DYNC1I1: variants seen among roughly 807,000 people sequenced by gnomAD.
DYNC1I1 encodes dynein cytoplasmic 1 intermediate chain 1, also known as cytoplasmic dynein 1 intermediate chain 1.
A neutral mutation model predicts 86.6 loss-of-function variants in DYNC1I1; 43 were observed. The observed-to-expected ratio is 0.50, with a 90% CI of 0.39 to 0.64. DYNC1I1 has a LOEUF of 0.64. Among genes scored for constraint, DYNC1I1 ranks in the 30% least tolerant of loss-of-function variants. The pLI, the probability that DYNC1I1 is intolerant of heterozygous loss-of-function variation, is 0.00. For missense variants in DYNC1I1, 604 were observed against 788.8 expected (o/e 0.77, Z 2.81); for synonymous variants, 262 against 283.7 (o/e 0.92, Z 0.77).
At chr7:95,974,085 T>C (rs144369447) in intron 6 of DYNC1I1, among the ~76,000 whole-genome samples, 111 of 152,342 alleles carry the variant, frequency 7.3e-4, no homozygotes, top group African/African-American at 2.5e-3. Context: ...TGTCACCTCA[T>C]TGTGGCCTTG....
chr7:96,034,422 G>A (rs909282719), intron 12 of DYNC1I1, among the ~76,000 whole-genome samples: 15 of 152,096 alleles, frequency 9.9e-5, no homozygotes, highest in African/African-American at 2.9e-4. Context: ...CTCTAAGTCC[G>A]TTTGTATTAG....
chr7:95,855,034 T>C (rs1476245328), intron 5 of DYNC1I1, among the ~76,000 whole-genome samples: 1 of 152,218 alleles, frequency 6.6e-6, no homozygotes, highest in Non-Finnish European at 1.5e-5. Context: ...TTAAAATATA[T>C]AAGGAGACAG....
chr7:95,995,804 G>A (rs111247521), intron 9 of DYNC1I1, 144 bp from the exon 10 acceptor site: 134 of 1,167,296 alleles, frequency 1.1e-4, no homozygotes, highest in Non-Finnish European at 1.5e-4. Context: ...GGAGGTTGCA[G>A]CAGTAAGCTG....
At chr7:95,977,449 A>G in intron 6 of DYNC1I1, 63 bp from the exon 7 acceptor site, 3 of 1,532,902 alleles carry the variant, frequency 2.0e-6, no homozygotes, top group Non-Finnish European at 2.7e-6. Context: ...ACCTCCCACT[A>G]TCAACCAAAG....
At chr7:96,100,775 A>G (rs762079875), downstream of DYNC1I1, among the ~76,000 whole-genome samples, 1 of 152,038 alleles carries the variant, frequency 6.6e-6, no homozygotes, top group Non-Finnish European at 1.5e-5. Context: ...TGTAGCCTAC[A>G]TTCACTAGAG....
intron 6 of DYNC1I1, among the ~76,000 whole-genome samples, chr7:95,933,501 T>C (rs1031700313): frequency 7.2e-5 from 11 of 152,218 alleles, no homozygotes; most frequent in Non-Finnish European, 1.5e-4. Flanking sequence ...TTTTGTTTCT[T>C]GTAAAGCAAG....
chr7:95,939,752 A>G (rs555197167), intron 6 of DYNC1I1, among the ~76,000 whole-genome samples: 6 of 152,038 alleles, frequency 3.9e-5, no homozygotes, highest in South Asian at 4.2e-4. Context: ...TCTTTATCCA[A>G]TTTGCCAGTC....
intron 16 of DYNC1I1, among the ~76,000 whole-genome samples, chr7:96,095,582 C>T (rs2116328832): frequency 6.6e-6 from 1 of 152,108 alleles, no homozygotes; most frequent in Middle Eastern, 3.4e-3. Context: ...TAGCTTGATT[C>T]TTACTTTATA....
intron 1 of DYNC1I1, among the ~76,000 whole-genome samples, chr7:95,801,253 A>C (rs1337811756): frequency 1.1e-4 from 17 of 152,088 alleles, no homozygotes; most frequent in Admixed American, 1.1e-3. Flanking sequence ...AAGTTCCCTC[A>C]ATGTTTTTAT....
chr7:95,780,916 C>G (rs912523315), intron 1 of DYNC1I1, among the ~76,000 whole-genome samples: 1 of 151,998 alleles, frequency 6.6e-6, no homozygotes. Context: ...GACCGTGCGT[C>G]TACTGTTTCA....
intron 6 of DYNC1I1, among the ~76,000 whole-genome samples, chr7:95,900,734 A>G (rs149900275): frequency 6.6e-6 from 1 of 152,182 alleles, no homozygotes; most frequent in African/African-American, 2.4e-5. Context: ...AATCTTTGCC[A>G]TCCATCCTCT....
At chr7:96,036,743 C>T (rs1007622937) in intron 13 of DYNC1I1, among the ~76,000 whole-genome samples, 1 of 152,150 alleles carries the variant, frequency 6.6e-6, no homozygotes, top group African/African-American at 2.4e-5. Flanking sequence ...CAGAGTGAGT[C>T]ACACAAACCA....
intron 10 of DYNC1I1, among the ~76,000 whole-genome samples, chr7:96,012,067 G>T (rs1794288691): frequency 6.6e-6 from 1 of 152,162 alleles, no homozygotes; most frequent in African/African-American, 2.4e-5. Flanking sequence ...TGGGAGGAGG[G>T]TTGGGGACAG....
intron 6 of DYNC1I1, among the ~76,000 whole-genome samples, chr7:95,903,363 G>A (rs1791089732): frequency 6.6e-6 from 1 of 152,144 alleles, no homozygotes; most frequent in South Asian, 2.1e-4. Flanking sequence ...TTAAGAGTGT[G>A]GCACCTTGTA....
At chr7:95,984,784 ATC>A in intron 7 of DYNC1I1, 29 bp from the exon 8 acceptor site, 1 of 1,550,108 alleles carries the variant, frequency 6.5e-7, no homozygotes, top group South Asian at 1.2e-5. Flanking sequence ...TTCCCTAACA[ATC>A]TCTTTTACAA....
intron 14 of DYNC1I1, among the ~76,000 whole-genome samples, chr7:96,048,892 T>C (rs982920977): frequency 6.6e-6 from 1 of 152,318 alleles, no homozygotes; most frequent in East Asian, 1.9e-4. Context: ...CTTGACAATA[T>C]GGGCTAATGG....
chr7:95,831,878 A>G (rs911427947), intron 5 of DYNC1I1, among the ~76,000 whole-genome samples: 3 of 151,734 alleles, frequency 2.0e-5, no homozygotes, highest in Non-Finnish European at 4.4e-5. Flanking sequence ...AGTTCTTTAT[A>G]TATTTTGGAT....
At chr7:95,879,332 G>A (rs1562931249) in intron 6 of DYNC1I1, among the ~76,000 whole-genome samples, 1 of 151,998 alleles carries the variant, frequency 6.6e-6, no homozygotes, top group African/African-American at 2.4e-5. Flanking sequence ...ACAGGACAAA[G>A]AAGGTGAGTG....
chr7:95,843,478 C>T (rs1325865604), intron 5 of DYNC1I1, among the ~76,000 whole-genome samples: 1 of 152,128 alleles, frequency 6.6e-6, no homozygotes, highest in Non-Finnish European at 1.5e-5. Context: ...TGTGTCCCTC[C>T]CTCATGTATC....
Sources: gnomAD v4.1 joint callset for allele counts (sites outside exome capture counted in the v4.1 genomes callset) on GRCh38, gnomAD v4.1.1 for gene constraint, MANE v1.5 for transcripts, NCBI Gene and HGNC (gene_info 2026-07-23, HGNC 2026-07-21) for gene names.